CNTN5: variants seen among roughly 807,000 people sequenced by gnomAD.
The protein encoded by CNTN5 is contactin-5.
CNTN5 carries 77 observed loss-of-function variants against 129.1 expected under a neutral mutation model. The observed-to-expected ratio is 0.60, with a 90% confidence interval of 0.50 to 0.72. The LOEUF (loss-of-function observed/expected upper bound fraction) is 0.72. Ranked by LOEUF, CNTN5 falls within the 30% of genes least tolerant of loss-of-function variation. The pLI is 0.00. For missense variants in CNTN5, 1,478 were observed against 1,328.8 expected (o/e 1.11, Z -1.75); for synonymous variants, 509 against 465.6 (o/e 1.09, Z -1.20).
chr11:99,213,182 C>T (rs1282717511), intron 1 of CNTN5, among the ~76,000 whole-genome samples: 2 of 145,860 alleles, frequency 1.4e-5, no homozygotes, highest in Non-Finnish European at 3.0e-5. Flanking sequence ...CAGAGTGAGA[C>T]TCCATCTCAA....
chr11:99,886,021 C>G (rs961854938), intron 6 of CNTN5, among the ~76,000 whole-genome samples: 1 of 151,982 alleles, frequency 6.6e-6, no homozygotes, highest in South Asian at 2.1e-4. Flanking sequence ...AGGAAAAGAT[C>G]ACTAGGAAAA....
intron 9 of CNTN5, among the ~76,000 whole-genome samples, chr11:100,039,856 G>C (rs1942269238): frequency 6.6e-6 from 1 of 151,986 alleles, no homozygotes; most frequent in South Asian, 2.1e-4. Context: ...TGGTTATCCT[G>C]GTTATCCATT....
intron 13 of CNTN5, among the ~76,000 whole-genome samples, chr11:100,154,633 C>T (rs970709069): frequency 6.6e-6 from 1 of 152,054 alleles, no homozygotes; most frequent in Non-Finnish European, 1.5e-5. Flanking sequence ...ATTTACACTC[C>T]CATGAACAGT....
At chr11:99,190,671 T>G in intron 1 of CNTN5, among the ~76,000 whole-genome samples, 1 of 151,662 alleles carries the variant, frequency 6.6e-6, no homozygotes, top group Non-Finnish European at 1.5e-5. Flanking sequence ...ATTGTTTTCT[T>G]GATTTCTTTT....
At chr11:99,098,277 A>G (rs1385390717) in intron 1 of CNTN5, among the ~76,000 whole-genome samples, 2 of 152,094 alleles carry the variant, frequency 1.3e-5, no homozygotes, top group African/African-American at 2.4e-5. Context: ...ATGAATTTCC[A>G]TCAGGCATAT....
intron 2 of CNTN5, among the ~76,000 whole-genome samples, chr11:99,488,651 G>T (rs1945916211): frequency 6.6e-6 from 1 of 152,166 alleles, no homozygotes. Context: ...ACTAGTTATA[G>T]TGTACCAATT....
chr11:99,098,854 T>G (rs1184819434), intron 1 of CNTN5, among the ~76,000 whole-genome samples: 1 of 152,146 alleles, frequency 6.6e-6, no homozygotes, highest in African/African-American at 2.4e-5. Flanking sequence ...AACTTGATTT[T>G]TTCTGCTTCT....
intron 1 of CNTN5, among the ~76,000 whole-genome samples, chr11:99,106,036 A>T (rs1866977719): frequency 6.6e-6 from 1 of 152,250 alleles, no homozygotes; most frequent in Non-Finnish European, 1.5e-5. Flanking sequence ...GTATCTGCAA[A>T]CTTCATGGTC....
intron 9 of CNTN5, among the ~76,000 whole-genome samples, chr11:100,040,693 G>C (rs957769846): frequency 6.6e-6 from 1 of 152,084 alleles, no homozygotes; most frequent in African/African-American, 2.4e-5. Context: ...CCCTCCCCCA[G>C]CCTCACTGCC....
At chr11:100,021,748 T>G (rs896334606) in intron 9 of CNTN5, among the ~76,000 whole-genome samples, 14 of 152,130 alleles carry the variant, frequency 9.2e-5, no homozygotes, top group Admixed American at 2.0e-4. Context: ...CATCTGCAAG[T>G]TGAGGAACAA....
At chr11:99,418,730 C>T (rs1335412863) in intron 2 of CNTN5, among the ~76,000 whole-genome samples, 1 of 152,172 alleles carries the variant, frequency 6.6e-6, no homozygotes, top group Non-Finnish European at 1.5e-5. Context: ...CAGTAAATTA[C>T]ACTCATTACC....
chr11:99,678,534 T>G (rs1177528774), intron 3 of CNTN5, among the ~76,000 whole-genome samples: 3 of 151,926 alleles, frequency 2.0e-5, no homozygotes, highest in Non-Finnish European at 4.4e-5. Flanking sequence ...AGAAAGAAAA[T>G]GCCATGAATT....
chr11:100,308,370 G>A lies in CNTN5; in HGVS notation c.2632G>A (p.Ala878Thr). The change falls in exon 21 of 25, where the codon GCT becomes ACT. Residue 878 changes from alanine (A) to threonine (T), a missense_variant. Coordinates refer to ENST00000524871, the MANE Select transcript of CNTN5 (RefSeq NM_014361.4). ...ICSAEGEPSA[A>T]PTDVKATSVS... ...TTTCCTTCATACAGAACCCAGTGCTGCTCCCACAGATGTCAAGGCGACAAG... is the reference window on the plus strand; with the variant it reads ...TTTCCTTCATACAGAACCCAGTGCTACTCCCACAGATGTCAAGGCGACAAG... 2 of 1,610,582 alleles carry A rather than the reference G, an allele frequency of 1.2e-6. No individual in the cohort carries two copies.
At chr11:100,278,210 G>C (rs2138808078) in intron 18 of CNTN5, among the ~76,000 whole-genome samples, 1 of 152,102 alleles carries the variant, frequency 6.6e-6, no homozygotes, top group South Asian at 2.1e-4. Context: ...TTTTATCACT[G>C]TAGCTCTCAA....
At chr11:99,521,065 C>A (rs1012946835) in intron 2 of CNTN5, among the ~76,000 whole-genome samples, 1 of 152,092 alleles carries the variant, frequency 6.6e-6, no homozygotes, top group Non-Finnish European at 1.5e-5. Flanking sequence ...AGAGCCAGAA[C>A]CAAAACCCAA....
intron 1 of CNTN5, among the ~76,000 whole-genome samples, chr11:99,046,193 A>G (rs1029179293): frequency 6.6e-6 from 1 of 152,182 alleles, no homozygotes; most frequent in Middle Eastern, 3.4e-3. Context: ...ACAAAAAAAA[A>G]TCTGGGTGTG....
chr11:99,599,826 A>G (rs1176992149), intron 3 of CNTN5, among the ~76,000 whole-genome samples: 1 of 152,214 alleles, frequency 6.6e-6, no homozygotes, highest in Non-Finnish European at 1.5e-5. Context: ...AAATCCATAT[A>G]GGAAAATGAC....
chr11:99,781,058 C>A lies in CNTN5; in HGVS notation c.56-38486C>A, dbSNP rs535145370. ...CATGTTGTCTTTGTATTTACTCCTG[C>A]AAATTCCAAATTTAGTCTTAGTTCT... On this transcript the variant is annotated intron_variant, in intron 3 of 24. Coordinates refer to ENST00000524871, the MANE Select transcript of CNTN5 (RefSeq NM_014361.4). Among the ~76,000 whole-genome samples the A allele has an allele frequency of 7.9e-5, 12 of 152,206 alleles. No individual in the cohort carries two copies. The South Asian group carries it at 2.3e-3, about 29-fold the overall frequency.
At chr11:99,688,761 C>T (rs1033108713) in intron 3 of CNTN5, among the ~76,000 whole-genome samples, 2 of 152,134 alleles carry the variant, frequency 1.3e-5, no homozygotes, top group African/African-American at 2.4e-5. Flanking sequence ...CCCTTCTCCC[C>T]GCCACCCTCT....
Sources: allele counts gnomAD v4.1 joint callset (sites outside exome capture counted in the v4.1 genomes callset), GRCh38; gene constraint gnomAD v4.1.1; transcripts MANE v1.5; gene names NCBI Gene and HGNC (gene_info 2026-07-23, HGNC 2026-07-21).